GRM7: variants seen among roughly 807,000 people sequenced by gnomAD.
The protein encoded by GRM7 is glutamate metabotropic receptor 7.
A neutral mutation model predicts 84.5 loss-of-function variants in GRM7; 35 were observed. The ratio of observed to expected loss-of-function variants is 0.41; its 90% confidence interval spans 0.32 to 0.55. The LOEUF (loss-of-function observed/expected upper bound fraction) is 0.55, where lower values mean the gene tolerates loss of function less well. Ranked by LOEUF, GRM7 falls within the 20% of genes least tolerant of loss-of-function variation. The pLI, the probability that GRM7 is intolerant of heterozygous loss-of-function variation, is 0.19. For missense variants in GRM7, 1,003 were observed against 1,194.6 expected (o/e 0.84, Z 2.36); for synonymous variants, 487 against 455.1 (o/e 1.07, Z -0.89).
At chr3:7,230,481 T>A (rs967634772) in intron 2 of GRM7, among the ~76,000 whole-genome samples, 1 of 152,192 alleles carries the variant, frequency 6.6e-6, no homozygotes, top group African/African-American at 2.4e-5. Context: ...CATAACTGTT[T>A]CTTAGTGTTC....
At chr3:6,907,802 C>A (rs1483098843) in intron 1 of GRM7, among the ~76,000 whole-genome samples, 1 of 152,146 alleles carries the variant, frequency 6.6e-6, no homozygotes, top group Non-Finnish European at 1.5e-5. Context: ...TAGAAAACCA[C>A]AACAGTCCTC....
At chr3:7,443,527 T>C (rs942146484) in intron 5 of GRM7, among the ~76,000 whole-genome samples, 2 of 152,166 alleles carry the variant, frequency 1.3e-5, no homozygotes, top group African/African-American at 4.8e-5. Context: ...TCCGTTCTTT[T>C]ACTTCTTGCC....
At chr3:7,594,117 C>G (rs574123950) in intron 8 of GRM7, among the ~76,000 whole-genome samples, 284 of 152,266 alleles carry the variant, frequency 1.9e-3, no homozygotes, top group Non-Finnish European at 3.4e-3. Context: ...ATTCTTTCCT[C>G]CTTTCTTCTG....
At position 6,987,995 on chromosome 3, in the gene GRM7, C is replaced by CT. The variant is rs34837684; in HGVS notation, c.519+126107dup. ...TCTAGGCAGGCCACATCACCTCTAG[C>CT]TTTTTTTTTTTTTTTTTTTCAGACG... On this transcript the variant is annotated intron_variant, in intron 1 of 9. Transcript: ENST00000357716. Among the ~76,000 whole-genome samples the CT allele has an allele frequency of 1.6e-3, 180 of 112,124 alleles. 1 individual carries two copies. The highest frequency in any genetic ancestry group is 4.8e-3 in the Middle Eastern group (1 of 210). 73.6% of individuals were successfully genotyped at this position (112,124 alleles called of 152,430 possible).
At chr3:7,009,920 C>A (rs1053460250) in intron 1 of GRM7, among the ~76,000 whole-genome samples, 2 of 152,064 alleles carry the variant, frequency 1.3e-5, no homozygotes, top group Non-Finnish European at 2.9e-5. Context: ...TGTTAAGACC[C>A]AAGAAGATAC....
intron 2 of GRM7, among the ~76,000 whole-genome samples, chr3:7,256,738 A>G (rs1455960036): frequency 6.6e-6 from 1 of 152,210 alleles, no homozygotes; most frequent in Non-Finnish European, 1.5e-5. Flanking sequence ...GGCCTTGGAA[A>G]TGCAAAGATG....
chr3:7,522,892 A>G (rs1413376874), intron 7 of GRM7, among the ~76,000 whole-genome samples: 2 of 135,776 alleles, frequency 1.5e-5, no homozygotes, highest in Admixed American at 1.5e-4. Context: ...GTACTCTTCA[A>G]GGAAACAAGA....
intron 4 of GRM7, among the ~76,000 whole-genome samples, chr3:7,311,436 G>A (rs1344111201): frequency 6.6e-6 from 1 of 152,110 alleles, no homozygotes; most frequent in East Asian, 1.9e-4. Flanking sequence ...AAGCTACATA[G>A]TGGCAACAGA....
intron 1 of GRM7, among the ~76,000 whole-genome samples, chr3:7,143,063 C>T (rs1343530749): frequency 2.0e-5 from 3 of 152,046 alleles, no homozygotes; most frequent in African/African-American, 7.2e-5. Context: ...ATCAAAAGAT[C>T]AAGTCTCCAT....
At chr3:7,543,572 C>A (rs1347371271) in intron 7 of GRM7, among the ~76,000 whole-genome samples, 1 of 152,232 alleles carries the variant, frequency 6.6e-6, no homozygotes, top group Non-Finnish European at 1.5e-5. Context: ...GCCTGGAAAC[C>A]TGCCCCTTTC....
At chr3:7,249,138 T>C (rs773439131) in intron 2 of GRM7, among the ~76,000 whole-genome samples, 2 of 152,136 alleles carry the variant, frequency 1.3e-5, no homozygotes, top group Non-Finnish European at 2.9e-5. Context: ...TATATGTTAA[T>C]TGTTTGGGAT....
intron 9 of GRM7, among the ~76,000 whole-genome samples, chr3:7,707,506 A>C (rs957702976): frequency 4.6e-5 from 7 of 152,206 alleles, no homozygotes; most frequent in Admixed American, 6.6e-5. Context: ...CGCCACTTGA[A>C]TAATGCTTAA....
chr3:7,307,876 C>A (rs917435774), intron 4 of GRM7, among the ~76,000 whole-genome samples: 1 of 152,172 alleles, frequency 6.6e-6, no homozygotes. Flanking sequence ...ACCCTCAAAG[C>A]ATACAGAGCT....
chr3:7,018,522 TG>T (rs1695657063), intron 1 of GRM7, among the ~76,000 whole-genome samples: 2 of 152,352 alleles, frequency 1.3e-5, no homozygotes, highest in African/African-American at 2.4e-5. Flanking sequence ...ACTGTACTTT[TG>T]GGCTGCTCAT....
At chr3:7,303,911 G>T (rs1180993523) in intron 3 of GRM7, among the ~76,000 whole-genome samples, 3 of 148,722 alleles carry the variant, frequency 2.0e-5, no homozygotes, top group African/African-American at 7.3e-5. Flanking sequence ...TCCTCATTTT[G>T]CTGGAGCATA....
At chr3:6,904,677 A>G (rs1328308930) in intron 1 of GRM7, among the ~76,000 whole-genome samples, 1 of 150,892 alleles carries the variant, frequency 6.6e-6, no homozygotes, top group Non-Finnish European at 1.5e-5. Context: ...TCCATTTCTC[A>G]CAACAGGACC....
chr3:6,975,303 G>A (rs1316494044), intron 1 of GRM7, among the ~76,000 whole-genome samples: 1 of 152,174 alleles, frequency 6.6e-6, no homozygotes, highest in Admixed American at 6.5e-5. Flanking sequence ...ATCCTTTCTT[G>A]AAAGGTCACA....
At chr3:6,907,938 G>T (rs1172481431) in intron 1 of GRM7, among the ~76,000 whole-genome samples, 2 of 152,068 alleles carry the variant, frequency 1.3e-5, no homozygotes, top group Non-Finnish European at 2.9e-5. Context: ...TATTCTTAAT[G>T]TATTGATCTC....
chr3:7,479,831 T>C (rs972746708), intron 7 of GRM7, among the ~76,000 whole-genome samples: 3 of 152,122 alleles, frequency 2.0e-5, no homozygotes, highest in African/African-American at 4.8e-5. Context: ...ATAACTGCTA[T>C]GCATGCTGAC....
Sources: gnomAD v4.1 joint callset for allele counts (sites outside exome capture counted in the v4.1 genomes callset) on GRCh38, gnomAD v4.1.1 for gene constraint, MANE v1.5 for transcripts, NCBI Gene and HGNC (gene_info 2026-07-23, HGNC 2026-07-21) for gene names.